TRHDE: variants seen among roughly 807,000 people sequenced by gnomAD.
The protein encoded by TRHDE is thyrotropin releasing hormone degrading enzyme.
Under a neutral mutation model 125.7 loss-of-function variants are expected in TRHDE, and 72 were observed. The ratio of observed to expected loss-of-function variants is 0.57; its 90% CI spans 0.47 to 0.70. TRHDE has a LOEUF of 0.70. TRHDE is among the 30% of genes least tolerant of loss of function. TRHDE has a pLI of 0.00. For synonymous variants in TRHDE, 509 were observed against 509.1 expected (o/e 1.00, Z 0.00); for missense variants, 1,110 against 1,327.1 (o/e 0.84, Z 2.54).
rs540831624 is a variant in TRHDE at position 72,647,475 on chromosome 12, A to T, written c.2676-4847A>T. On this transcript the variant is annotated intron_variant, in intron 15 of 18. Coordinates refer to ENST00000261180, the MANE Select transcript of TRHDE (RefSeq NM_013381.3). ...AAATAACAAAGATAAGAACAAAAAA[A>T]ATGGAAAATAGAAAAACAATAGAAT... Among the ~76,000 whole-genome samples the T allele has an allele frequency of 1.2e-3, 181 of 152,178 alleles. 1 individual carries two copies. Among genetic ancestry groups the T allele is most frequent in the African/African-American group, 4.1e-3 (172 of 41,576 alleles).
rs1870988455 is a variant in TRHDE at position 72,359,838 on chromosome 12, G to A, written c.1189-18157G>A. On this transcript the variant is annotated intron_variant, in intron 2 of 18. Coordinates refer to ENST00000261180, the MANE Select transcript of TRHDE (RefSeq NM_013381.3). ...GACATTTTGAAAAAGAAAAAGGAAA[G>A]GGTATTGGTCTTACAAGGCTTCAGG... is the stretch of plus-strand genomic sequence containing the variant. Among the ~76,000 whole-genome samples, 3 of 151,658 alleles carry A rather than the reference G, an allele frequency of 2.0e-5. No individual in the cohort carries two copies. In the South Asian group the frequency reaches 6.2e-4, roughly 31 times the overall value.
At chr12:72,614,714 T>A (rs190749113) in intron 12 of TRHDE, among the ~76,000 whole-genome samples, 121 of 152,218 alleles carry the variant, frequency 7.9e-4, no homozygotes, top group Non-Finnish European at 4.4e-5. Context: ...CTCTAAAAGT[T>A]TCAACCCCAG....
chr12:72,413,035 G>T (rs190342951), intron 3 of TRHDE, among the ~76,000 whole-genome samples: 3 of 151,818 alleles, frequency 2.0e-5, no homozygotes, highest in African/African-American at 4.8e-5. Flanking sequence ...GACCCAGATG[G>T]TGATTATTTG....
At chr12:72,553,849 CTT>C (rs56187409) in intron 7 of TRHDE, among the ~76,000 whole-genome samples, 314 of 133,734 alleles carry the variant, frequency 2.3e-3, no homozygotes, top group African/African-American at 7.4e-3. Flanking sequence ...TCTTTTCCTT[CTT>C]TTTTTTTTTT....
chr12:72,226,671 A>G (rs1878134698), intron 2 of TRHDE, among the ~76,000 whole-genome samples: 1 of 152,208 alleles, frequency 6.6e-6, no homozygotes, highest in Non-Finnish European at 1.5e-5. Flanking sequence ...AGAATACACT[A>G]AAGTGATAAA....
intron 3 of TRHDE, among the ~76,000 whole-genome samples, chr12:72,430,493 A>G (rs1056022593): frequency 1.4e-4 from 21 of 150,244 alleles, no homozygotes; most frequent in African/African-American, 5.1e-4. Flanking sequence ...ACACACACAC[A>G]ACAGTTTTTC....
intron 2 of TRHDE, among the ~76,000 whole-genome samples, chr12:72,340,129 T>C (rs910193455): frequency 1.3e-5 from 2 of 152,146 alleles, no homozygotes; most frequent in African/African-American, 4.8e-5. Context: ...AAACTTTCTG[T>C]ATGCAACTCT....
chr12:72,380,158 A>G (rs1872077406), intron 3 of TRHDE, among the ~76,000 whole-genome samples: 1 of 152,166 alleles, frequency 6.6e-6, no homozygotes, highest in Non-Finnish European at 1.5e-5. Context: ...TTTTCCAGAC[A>G]TATTCTACCC....
chr12:72,281,579 A>T (rs1879699141), intron 1 of TRHDE, among the ~76,000 whole-genome samples: 1 of 152,220 alleles, frequency 6.6e-6, no homozygotes, highest in African/African-American at 2.4e-5. Context: ...AGATGTGGCC[A>T]AAAAGAAAAC....
At chr12:72,202,148 A>G (rs763845164) in intron 2 of TRHDE, among the ~76,000 whole-genome samples, 5 of 151,986 alleles carry the variant, frequency 3.3e-5, no homozygotes, top group East Asian at 1.9e-4. Context: ...TTTGCATCCA[A>G]CTCCATGGTA....
At chr12:72,595,117 G>A (rs1871874861) in intron 12 of TRHDE, among the ~76,000 whole-genome samples, 1 of 108,316 alleles carries the variant, frequency 9.2e-6, no homozygotes, top group Non-Finnish European at 1.8e-5. Flanking sequence ...CTGTTGTGGG[G>A]TGGGGGGAGG....
chr12:72,596,680 A>C (rs559636604), intron 12 of TRHDE, among the ~76,000 whole-genome samples: 2 of 152,312 alleles, frequency 1.3e-5, no homozygotes, highest in Non-Finnish European at 2.9e-5. Flanking sequence ...TTGATCTAGA[A>C]GGAGACAAGT....
intron 6 of TRHDE, among the ~76,000 whole-genome samples, chr12:72,519,014 T>C (rs372109817): frequency 1.9e-3 from 293 of 152,302 alleles, no homozygotes; most frequent in Non-Finnish European, 2.8e-3. Flanking sequence ...CCGAGAGATC[T>C]GCTGTTAGTC....
intron 2 of TRHDE, among the ~76,000 whole-genome samples, chr12:72,151,005 A>G (rs939924980): frequency 1.1e-4 from 16 of 152,316 alleles, no homozygotes; most frequent in African/African-American, 3.6e-4. Flanking sequence ...ACTAGTTTAC[A>G]GTCCCACCAA....
chr12:72,628,280 T>G (rs915677058), intron 15 of TRHDE, among the ~76,000 whole-genome samples: 18 of 151,978 alleles, frequency 1.2e-4, no homozygotes, highest in African/African-American at 4.3e-4. Context: ...CAATTTGACC[T>G]GTCAGTAAAA....
At chr12:72,313,233 A>G (rs1868633328) in intron 2 of TRHDE, among the ~76,000 whole-genome samples, 1 of 151,972 alleles carries the variant, frequency 6.6e-6, no homozygotes, top group Admixed American at 6.6e-5. Context: ...TTCAGACTTT[A>G]TTGGCATTGT....
chr12:72,262,406 T>A (rs1436860064), intron 2 of TRHDE: 1 of 152,026 alleles, frequency 6.6e-6, no homozygotes, highest in Non-Finnish European at 1.5e-5. Context: ...CTCATAGAAA[T>A]AAAAAAATTC....
intron 2 of TRHDE, among the ~76,000 whole-genome samples, chr12:72,238,274 T>G (rs1878375474): frequency 1.8e-5 from 1 of 56,328 alleles, no homozygotes; most frequent in Non-Finnish European, 3.0e-5. Context: ...GTCAGATCCT[T>G]AATATATATA....
chr12:72,096,382 C>A (rs936785308), intron 1 of TRHDE, among the ~76,000 whole-genome samples: 4 of 152,114 alleles, frequency 2.6e-5, no homozygotes, highest in African/African-American at 9.7e-5. Flanking sequence ...AAATCTTTAA[C>A]AATTATGTCA....
Sources: allele counts gnomAD v4.1 joint callset (sites outside exome capture counted in the v4.1 genomes callset), GRCh38; gene constraint gnomAD v4.1.1; transcripts MANE v1.5; gene names NCBI Gene and HGNC (gene_info 2026-07-23, HGNC 2026-07-21).